The following TRPM3 variants were observed in gnomAD, a reference collection of about 807,000 sequenced individuals.
TRPM3 encodes the protein transient receptor potential cation channel subfamily M member 3.
In TRPM3, 77 loss-of-function variants were observed where a neutral mutation model predicts 181.2. The observed-to-expected ratio is 0.42, with a 90% CI of 0.35 to 0.51. The LOEUF is 0.51. TRPM3 is among the 20% of genes least tolerant of loss of function. The probability of loss-of-function intolerance (pLI) is 0.01; values close to 1 mark genes in which losing one functional copy is unlikely to be tolerated. For missense variants in TRPM3, 1,759 were observed against 2,196.7 expected (o/e 0.80, Z 3.98); for synonymous variants, 745 against 796.4 (o/e 0.94, Z 1.09).
At chr9:71,364,563 A>G (rs1294825678) in intron 1 of TRPM3, among the ~76,000 whole-genome samples, 2 of 152,256 alleles carry the variant, frequency 1.3e-5, no homozygotes, top group Non-Finnish European at 2.9e-5. Flanking sequence ...ACTATAAAGA[A>G]TCATAAATCC....
intron 1 of TRPM3, among the ~76,000 whole-genome samples, chr9:70,901,761 G>T (rs2096390190): frequency 6.6e-6 from 1 of 152,150 alleles, no homozygotes; most frequent in South Asian, 2.1e-4. Flanking sequence ...TGGCACAAAA[G>T]AATAGAAAGG....
At chr9:71,167,830 C>T (rs2076613399) in intron 1 of TRPM3, among the ~76,000 whole-genome samples, 1 of 152,164 alleles carries the variant, frequency 6.6e-6, no homozygotes, top group African/African-American at 2.4e-5. Flanking sequence ...ATTCTAGTTG[C>T]ATTCTACAGA....
chr9:71,293,280 TTG>T (rs1020233186), intron 1 of TRPM3, among the ~76,000 whole-genome samples: 3 of 151,802 alleles, frequency 2.0e-5, no homozygotes, highest in Non-Finnish European at 3.0e-5. Context: ...TTAACTTTGA[TTG>T]TGAGTCAATG....
intron 1 of TRPM3, among the ~76,000 whole-genome samples, chr9:71,194,237 G>T (rs534203766): frequency 4.1e-4 from 63 of 152,018 alleles, no homozygotes; most frequent in African/African-American, 1.4e-3. Flanking sequence ...TTTCTCTTGG[G>T]AAGAGGTAAG....
intron 8 of TRPM3, among the ~76,000 whole-genome samples, chr9:70,747,225 A>G (rs546150863): frequency 6.6e-6 from 1 of 152,194 alleles, no homozygotes; most frequent in African/African-American, 2.4e-5. Flanking sequence ...AGTTAGAGAT[A>G]TACATAAATA....
intron 22 of TRPM3, among the ~76,000 whole-genome samples, chr9:70,576,577 C>A (rs1342918726): frequency 6.6e-6 from 1 of 150,582 alleles, no homozygotes; most frequent in Non-Finnish European, 1.5e-5. Context: ...TGCAATGGTG[C>A]GATCTCGGCT....
intron 1 of TRPM3, among the ~76,000 whole-genome samples, chr9:71,233,202 CAAAT>C (rs955729491): frequency 6.6e-6 from 1 of 152,154 alleles, no homozygotes; most frequent in African/African-American, 2.4e-5. Context: ...ATGTCCTTTT[CAAAT>C]CAAATGAATC....
intron 1 of TRPM3, among the ~76,000 whole-genome samples, chr9:71,386,058 C>T (rs545453893): frequency 5.9e-5 from 9 of 152,068 alleles, no homozygotes; most frequent in South Asian, 2.1e-4. Context: ...GCTGGTTGGA[C>T]GTGGAAGTGG....
intron 1 of TRPM3, among the ~76,000 whole-genome samples, chr9:71,406,898 T>C (rs1286096947): frequency 1.3e-5 from 2 of 152,072 alleles, no homozygotes; most frequent in South Asian, 2.1e-4. Context: ...AGGCTTAATA[T>C]GGGGAATTCA....
chr9:71,021,098 C>T (rs573936047), intron 1 of TRPM3, among the ~76,000 whole-genome samples: 170 of 152,186 alleles, frequency 1.1e-3, no homozygotes, highest in African/African-American at 4.0e-3. Flanking sequence ...TTTCACTAAC[C>T]TAATGTTAAG....
intron 1 of TRPM3, among the ~76,000 whole-genome samples, chr9:71,002,107 C>A (rs1186931644): frequency 6.6e-6 from 1 of 152,144 alleles, no homozygotes; most frequent in African/African-American, 2.4e-5. Flanking sequence ...TGTACTCCAG[C>A]CATAATGGTT....
intron 1 of TRPM3, among the ~76,000 whole-genome samples, chr9:71,370,930 T>C (rs1436645669): frequency 6.6e-6 from 1 of 152,196 alleles, no homozygotes; most frequent in Non-Finnish European, 1.5e-5. Flanking sequence ...CTAAAAATCC[T>C]AGGTTGCTTA....
intron 1 of TRPM3, among the ~76,000 whole-genome samples, chr9:71,312,325 G>T (rs1227382890): frequency 6.6e-6 from 1 of 152,056 alleles, no homozygotes; most frequent in Admixed American, 6.6e-5. Flanking sequence ...TGTCAGCAGA[G>T]AAATGCAAAT....
intron 1 of TRPM3, among the ~76,000 whole-genome samples, chr9:71,143,559 T>C (rs1254771883): frequency 6.6e-6 from 1 of 152,202 alleles, no homozygotes; most frequent in Non-Finnish European, 1.5e-5. Context: ...ATGGGGTATA[T>C]GTGCCACATT....
intron 15 of TRPM3, 51 bp downstream of exon 15, chr9:70,621,193 G>C: frequency 7.6e-7 from 1 of 1,315,058 alleles, no homozygotes; most frequent in South Asian, 1.4e-5. Context: ...ATATATAATG[G>C]GTAATAAAGA....
At chr9:71,149,546 C>T (rs906386114) in intron 1 of TRPM3, among the ~76,000 whole-genome samples, 2 of 152,092 alleles carry the variant, frequency 1.3e-5, no homozygotes, top group Non-Finnish European at 2.9e-5. Context: ...TAGCCTCCCA[C>T]CCTACCAAAC....
chr9:70,943,114 C>T (rs1466121038), intron 1 of TRPM3, among the ~76,000 whole-genome samples: 1 of 151,958 alleles, frequency 6.6e-6, no homozygotes, highest in African/African-American at 2.4e-5. Flanking sequence ...ACATGGTGTC[C>T]TTATTTGTTA....
At chr9:70,756,396 G>A (rs950623274) in intron 8 of TRPM3, among the ~76,000 whole-genome samples, 1 of 152,062 alleles carries the variant, frequency 6.6e-6, no homozygotes, top group African/African-American at 2.4e-5. Flanking sequence ...AATAGTGGGA[G>A]ATTTTAACAC....
chr9:71,129,584 G>A (rs1288992522), intron 1 of TRPM3, among the ~76,000 whole-genome samples: 4 of 152,150 alleles, frequency 2.6e-5, no homozygotes, highest in African/African-American at 9.7e-5. Context: ...TAAGAAACCT[G>A]CAGAAGGTCA....
Sources: gnomAD v4.1 joint callset for allele counts (sites outside exome capture counted in the v4.1 genomes callset) on GRCh38, gnomAD v4.1.1 for gene constraint, MANE v1.5 for transcripts, NCBI Gene and HGNC (gene_info 2026-07-23, HGNC 2026-07-21) for gene names.